KIAA1217: variants seen among roughly 807,000 people sequenced by gnomAD.
The protein encoded by KIAA1217 is sickle tail protein homolog.
Under a neutral mutation model 163.9 loss-of-function variants are expected in KIAA1217, and 88 were observed. The observed-to-expected ratio is 0.54, with a 90% CI of 0.45 to 0.64. KIAA1217 has a LOEUF of 0.64. Ranked by LOEUF, KIAA1217 falls within the 30% of genes least tolerant of loss-of-function variation. The pLI, the probability that KIAA1217 is intolerant of heterozygous loss-of-function variation, is 0.00. For synonymous variants in KIAA1217, 903 were observed against 923.1 expected (o/e 0.98, Z 0.39); for missense variants, 2,372 against 2,475.0 (o/e 0.96, Z 0.88).
At chr10:23,918,733 T>TATACACACACACACAC (rs769797460) in intron 1 of KIAA1217, among the ~76,000 whole-genome samples, 7 of 147,478 alleles carry the variant, frequency 4.7e-5, no homozygotes, top group African/African-American at 1.8e-4. Flanking sequence ...ATTAAATATA[T>TATACACACACACACAC]ACACACACAC....
chr10:24,351,462 G>A (rs2048451434), intron 2 of KIAA1217, among the ~76,000 whole-genome samples: 1 of 152,040 alleles, frequency 6.6e-6, no homozygotes, highest in South Asian at 2.1e-4. Context: ...CCCTAGTATG[G>A]GTGGATATAG....
chr10:23,711,626 C>T (rs1196225354), intron 1 of KIAA1217, among the ~76,000 whole-genome samples: 4 of 152,178 alleles, frequency 2.6e-5, no homozygotes, highest in Non-Finnish European at 4.4e-5. Context: ...GGGACCTGCA[C>T]AGATGTGCTT....
At chr10:23,760,579 A>C (rs1274690955) in intron 1 of KIAA1217, among the ~76,000 whole-genome samples, 1 of 152,202 alleles carries the variant, frequency 6.6e-6, no homozygotes, top group East Asian at 1.9e-4. Context: ...TGCTAAGAAG[A>C]ATAGGAATAG....
intron 2 of KIAA1217, among the ~76,000 whole-genome samples, chr10:24,271,864 T>C (rs554029889): frequency 4.6e-5 from 7 of 152,248 alleles, no homozygotes; most frequent in African/African-American, 1.4e-4. Flanking sequence ...TCCCAGCCTC[T>C]TCAAATAAAA....
intron 6 of KIAA1217, among the ~76,000 whole-genome samples, chr10:24,490,671 A>T (rs544295733): frequency 6.6e-6 from 1 of 152,310 alleles, no homozygotes; most frequent in African/African-American, 2.4e-5. Context: ...TATTTTTGTG[A>T]AGTGGCTTTG....
intron 2 of KIAA1217, among the ~76,000 whole-genome samples, chr10:24,264,800 TC>T (rs2076069588): frequency 7.6e-6 from 1 of 131,854 alleles, no homozygotes; most frequent in East Asian, 2.1e-4. Flanking sequence ...TCTCTCTCTC[TC>T]TCATTCTCTC....
intron 1 of KIAA1217, among the ~76,000 whole-genome samples, chr10:23,860,049 G>A (rs964200314): frequency 5.3e-5 from 8 of 152,034 alleles, no homozygotes; most frequent in African/African-American, 1.7e-4. Context: ...GGCTGAGAGC[G>A]AGCAGGAATA....
intron 1 of KIAA1217, among the ~76,000 whole-genome samples, chr10:23,984,173 T>C (rs1204711811): frequency 6.6e-6 from 1 of 152,190 alleles, no homozygotes; most frequent in Non-Finnish European, 1.5e-5. Flanking sequence ...GGCTCTTCAC[T>C]CCACCCTACG....
intron 1 of KIAA1217, among the ~76,000 whole-genome samples, chr10:23,867,221 G>A (rs1840235957): frequency 6.6e-6 from 1 of 152,102 alleles, no homozygotes; most frequent in Non-Finnish European, 1.5e-5. Flanking sequence ...TGGAGTATAT[G>A]TGCCACATTT....
chr10:24,501,642 C>A, intron 9 of KIAA1217, 97 bp downstream of exon 9: 1 of 1,066,796 alleles, frequency 9.4e-7, no homozygotes, highest in Non-Finnish European at 1.3e-6. Flanking sequence ...GAATGTAGAA[C>A]CATAGAAACA....
At chr10:23,842,319 G>A (rs1449289251) in intron 1 of KIAA1217, among the ~76,000 whole-genome samples, 2 of 152,082 alleles carry the variant, frequency 1.3e-5, no homozygotes, top group Non-Finnish European at 2.9e-5. Flanking sequence ...ATCACCAGAC[G>A]GCTCTCCAAA....
At chr10:23,762,190 A>G (rs916670881) in intron 1 of KIAA1217, among the ~76,000 whole-genome samples, 1 of 152,216 alleles carries the variant, frequency 6.6e-6, no homozygotes, top group African/African-American at 2.4e-5. Flanking sequence ...TACCAGAAAT[A>G]CAAAGGGGAG....
chr10:24,159,375 A>T (rs2065016053), intron 2 of KIAA1217, among the ~76,000 whole-genome samples: 1 of 152,196 alleles, frequency 6.6e-6, no homozygotes, highest in Non-Finnish European at 1.5e-5. Context: ...GACACTTTGC[A>T]CAACAGTTTG....
chr10:23,976,413 T>C lies in KIAA1217; in HGVS notation c.-320-30812T>C, dbSNP rs529016980. On this transcript the variant is annotated intron_variant, in intron 1 of 18. Coordinates refer to the KIAA1217 transcript ENST00000376462. Reference sequence around the variant, plus strand: ...CAACTGTTAACTTGTTCATAGCAACTTAAGCATATTAAAATATGATAATTT... The same window carrying C: ...CAACTGTTAACTTGTTCATAGCAACCTAAGCATATTAAAATATGATAATTT... 3.9e-5 allele frequency among the ~76,000 whole-genome samples: 6 copies of C among 152,320 alleles called. No individual in the cohort carries two copies. In the South Asian group the frequency reaches 1.2e-3, roughly 32 times the overall value.
chr10:24,124,391 C>A (rs777662889), intron 2 of KIAA1217, among the ~76,000 whole-genome samples: 13 of 151,964 alleles, frequency 8.6e-5, no homozygotes, highest in Non-Finnish European at 1.6e-4. Flanking sequence ...CAAATAATGG[C>A]AGTTCTGCTC....
intron 6 of KIAA1217, among the ~76,000 whole-genome samples, chr10:24,491,659 A>G (rs547058797): frequency 4.6e-5 from 7 of 152,260 alleles, no homozygotes; most frequent in Non-Finnish European, 4.4e-5. Context: ...CCAGACTGGA[A>G]GCAGAAAGAA....
intron 5 of KIAA1217, among the ~76,000 whole-genome samples, chr10:24,454,062 A>G (rs1556400): frequency 0.033 from 5,085 of 152,242 alleles, 299 homozygotes; most frequent in African/African-American, 0.12. Context: ...ATTTAAAAGC[A>G]TACAATTGGC....
intron 1 of KIAA1217, among the ~76,000 whole-genome samples, chr10:23,779,550 T>C (rs1479365321): frequency 6.6e-6 from 1 of 152,236 alleles, no homozygotes; most frequent in Non-Finnish European, 1.5e-5. Context: ...CCACAAATTC[T>C]ACGATGAACC....
chr10:23,911,692 A>T (rs1056221000), intron 1 of KIAA1217, among the ~76,000 whole-genome samples: 6 of 152,206 alleles, frequency 3.9e-5, no homozygotes, highest in Admixed American at 3.9e-4. Context: ...AAAGCATTTG[A>T]TGCAGCTGGC....
Sources: allele counts gnomAD v4.1 joint callset (sites outside exome capture counted in the v4.1 genomes callset), GRCh38; gene constraint gnomAD v4.1.1; transcripts MANE v1.5; gene names NCBI Gene and HGNC (gene_info 2026-07-23, HGNC 2026-07-21).